The following MACROD2 variants were observed in gnomAD, a reference collection of about 807,000 sequenced individuals.
The protein encoded by MACROD2 is ADP-ribose glycohydrolase MACROD2.
In MACROD2, 36 loss-of-function variants were observed where a neutral mutation model predicts 70.4. The ratio of observed to expected loss-of-function variants is 0.51; its 90% CI spans 0.39 to 0.68. MACROD2 has a LOEUF of 0.68. Ranked by LOEUF, MACROD2 falls within the 30% of genes least tolerant of loss-of-function variation. The probability of loss-of-function intolerance (pLI) is 0.00; values close to 1 mark genes in which losing one functional copy is unlikely to be tolerated. For synonymous variants in MACROD2, 172 were observed against 178.8 expected (o/e 0.96, Z 0.30); for missense variants, 496 against 538.4 (o/e 0.92, Z 0.78).
intron 6 of MACROD2, among the ~76,000 whole-genome samples, chr20:15,423,301 A>G (rs142359318): frequency 3.9e-5 from 6 of 152,322 alleles, no homozygotes; most frequent in Admixed American, 1.3e-4. Context: ...TTCTTATGGT[A>G]TAGTCTTCTC....
At chr20:15,849,462 A>G (rs1015418395) in intron 8 of MACROD2, among the ~76,000 whole-genome samples, 2 of 152,222 alleles carry the variant, frequency 1.3e-5, no homozygotes, top group African/African-American at 2.4e-5. Flanking sequence ...ACGGTTATGC[A>G]GTGGGCCCCG....
At chr20:14,970,387 C>T (rs1046234836) in intron 5 of MACROD2, among the ~76,000 whole-genome samples, 6 of 151,618 alleles carry the variant, frequency 4.0e-5, no homozygotes, top group East Asian at 2.0e-4. Context: ...AAATTAACCT[C>T]GTTTAAGTGT....
intron 8 of MACROD2, among the ~76,000 whole-genome samples, chr20:15,803,742 T>G (rs1252297768): frequency 6.6e-6 from 1 of 152,116 alleles, no homozygotes; most frequent in Admixed American, 6.5e-5. Context: ...ACACCAGTCA[T>G]AACAAAGAGT....
At position 14,925,430 on chromosome 20, in the gene MACROD2, CAG is replaced by C. The variant is rs199564552; in HGVS notation, c.418+240475_418+240476del. 9.9e-5 allele frequency among the ~76,000 whole-genome samples: 15 copies of C among 152,204 alleles called. 1 individual carries two copies. The East Asian group carries it at 2.9e-3, about 29-fold the overall frequency. On this transcript the variant is annotated intron_variant, in intron 5 of 17. Transcript: ENST00000684519. The stretch of plus-strand genomic sequence containing the variant: ...GGGTGCTATTTTGTAATGAGAAGTC[CAG>C]AGAATTTTCTGAAGGCATGACTTAA...
At chr20:15,019,482 A>C (rs2075147786) in intron 5 of MACROD2, among the ~76,000 whole-genome samples, 1 of 152,178 alleles carries the variant, frequency 6.6e-6, no homozygotes, top group South Asian at 2.1e-4. Context: ...ATGGTGACAA[A>C]AAAATAGAGA....
chr20:14,938,003 GTTTT>G (rs56254441), intron 5 of MACROD2, among the ~76,000 whole-genome samples: 3 of 136,072 alleles, frequency 2.2e-5, no homozygotes, highest in East Asian at 2.1e-4. Context: ...CAGATAACAA[GTTTT>G]TTTTTTTTTT....
At chr20:16,028,401 CTCT>C (rs1169501686) in intron 15 of MACROD2, among the ~76,000 whole-genome samples, 4 of 107,762 alleles carry the variant, frequency 3.7e-5, no homozygotes, top group African/African-American at 9.6e-5. Context: ...TTTTTTTTTG[CTCT>C]TCTTCCTAAA....
chr20:14,229,142 T>C (rs2081775928), intron 3 of MACROD2, among the ~76,000 whole-genome samples: 1 of 152,060 alleles, frequency 6.6e-6, no homozygotes, highest in Non-Finnish European at 1.5e-5. Flanking sequence ...TAGGACAAAA[T>C]ATAGGTGATC....
At chr20:15,599,532 C>T (rs1442086704) in intron 8 of MACROD2, among the ~76,000 whole-genome samples, 1 of 152,102 alleles carries the variant, frequency 6.6e-6, no homozygotes, top group Non-Finnish European at 1.5e-5. Flanking sequence ...AACTTCCAGC[C>T]GTGTGGTCTT....
At chr20:15,074,071 T>G (rs771166835) in intron 5 of MACROD2, among the ~76,000 whole-genome samples, 1 of 152,188 alleles carries the variant, frequency 6.6e-6, no homozygotes, top group African/African-American at 2.4e-5. Flanking sequence ...TGAAGTTTAT[T>G]TGAATACTGT....
chr20:14,000,952 G>A (rs1601096535), intron 1 of MACROD2, among the ~76,000 whole-genome samples: 1 of 152,104 alleles, frequency 6.6e-6, no homozygotes, highest in Non-Finnish European at 1.5e-5. Context: ...TTTAGTTATA[G>A]TATTCATACC....
At chr20:14,183,151 G>C (rs2081318297) in intron 3 of MACROD2, among the ~76,000 whole-genome samples, 1 of 150,652 alleles carries the variant, frequency 6.6e-6, no homozygotes, top group African/African-American at 2.4e-5. Context: ...AATAAAATTG[G>C]TTATTTTTCC....
rs549630064 is a variant in MACROD2 at position 15,994,126 on chromosome 20, T to C, written c.1153+6968T>C. On this transcript the variant is annotated intron_variant, in intron 15 of 17. Transcript: ENST00000684519. Reference sequence around the variant, plus strand: ...ATTGTTCACTATTTGATACATTTGATAGACAGTGATAAAATACTAGGGTAG... The same window carrying C: ...ATTGTTCACTATTTGATACATTTGACAGACAGTGATAAAATACTAGGGTAG... Among the ~76,000 whole-genome samples the C allele has an allele frequency of 7.9e-5, 12 of 152,306 alleles. No homozygotes were observed. In the South Asian group the frequency reaches 1.7e-3, roughly 21 times the overall value.
At chr20:14,447,641 G>C (rs985058122) in intron 3 of MACROD2, among the ~76,000 whole-genome samples, 1 of 151,974 alleles carries the variant, frequency 6.6e-6, no homozygotes, top group Admixed American at 6.6e-5. Flanking sequence ...GTATCTGAAA[G>C]TGAAAAGCTG....
At chr20:15,714,484 A>C (rs1002343480) in intron 8 of MACROD2, among the ~76,000 whole-genome samples, 1 of 152,198 alleles carries the variant, frequency 6.6e-6, no homozygotes, top group Non-Finnish European at 1.5e-5. Flanking sequence ...AACCAAGCAG[A>C]GGCTCTTTCC....
chr20:15,621,057 G>A (rs558968576), intron 8 of MACROD2, among the ~76,000 whole-genome samples: 1 of 152,276 alleles, frequency 6.6e-6, no homozygotes, highest in South Asian at 2.1e-4. Flanking sequence ...AGAAGGGAAT[G>A]TTCTGGGTCA....
chr20:15,366,913 A>G (rs932533943), intron 6 of MACROD2, among the ~76,000 whole-genome samples: 1 of 152,076 alleles, frequency 6.6e-6, no homozygotes, highest in African/African-American at 2.4e-5. Context: ...CCCATCCTTC[A>G]TAACTTTCCT....
intron 5 of MACROD2, among the ~76,000 whole-genome samples, chr20:15,202,220 A>C (rs2076662671): frequency 6.6e-6 from 1 of 152,232 alleles, no homozygotes; most frequent in Non-Finnish European, 1.5e-5. Context: ...AAATCAAGAG[A>C]TAATGATATA....
At position 14,999,072 on chromosome 20, in the gene MACROD2, C is replaced by T. The variant is rs181989869; in HGVS notation, c.419-230868C>T. On this transcript the variant is annotated intron_variant, in intron 5 of 17. Transcript: ENST00000684519. ...TTCAAACATGAAGGAGAAATAAAGACTTTCCCAAACAAACAAAAGCTGAGG... is the reference window on the plus strand; with the variant it reads ...TTCAAACATGAAGGAGAAATAAAGATTTTCCCAAACAAACAAAAGCTGAGG... Among the ~76,000 whole-genome samples, 113 of 152,296 alleles carry T rather than the reference C, an allele frequency of 7.4e-4. 1 individual carries two copies. Among genetic ancestry groups the T allele is most frequent in the African/African-American group, 2.6e-3 (110 of 41,568 alleles).
Sources: allele counts gnomAD v4.1 joint callset (sites outside exome capture counted in the v4.1 genomes callset), GRCh38; gene constraint gnomAD v4.1.1; transcripts MANE v1.5; gene names NCBI Gene and HGNC (gene_info 2026-07-23, HGNC 2026-07-21).